Variants in PHLDB2 observed in about 807,000 individuals in gnomAD.
The protein encoded by PHLDB2 is pleckstrin homology like domain family B member 2.
Under a neutral mutation model 123.6 loss-of-function variants are expected in PHLDB2, and 71 were observed. The ratio of observed to expected loss-of-function variants is 0.57; its 90% CI spans 0.47 to 0.70. The LOEUF (loss-of-function observed/expected upper bound fraction) is 0.70, where lower values mean the gene tolerates loss of function less well. PHLDB2 is among the 30% of genes least tolerant of loss of function. The pLI is 0.00. For missense variants in PHLDB2, 1,446 were observed against 1,519.5 expected (o/e 0.95, Z 0.80); for synonymous variants, 547 against 541.6 (o/e 1.01, Z -0.14).
chr3:111,765,440 A>G (rs1166250404), intron 1 of PHLDB2, among the ~76,000 whole-genome samples: 1 of 152,200 alleles, frequency 6.6e-6, no homozygotes, highest in African/African-American at 2.4e-5. Flanking sequence ...GCCATCCACA[A>G]AATTATCTTG....
chr3:111,859,082 T>C (rs1009775458), upstream of PHLDB2: 12 of 778,440 alleles, frequency 1.5e-5, no homozygotes, highest in African/African-American at 2.2e-4. Context: ...TCCAAGGATT[T>C]TGCAAACCTG....
intron 1 of PHLDB2, among the ~76,000 whole-genome samples, chr3:111,772,054 CT>C (rs1170157187): frequency 1.5e-5 from 1 of 67,278 alleles, no homozygotes; most frequent in Non-Finnish European, 3.5e-5. Flanking sequence ...TATAAAATAC[CT>C]TCTGCTCCTC....
intron 12 of PHLDB2, chr3:111,957,917 T>A (rs2071154925): frequency 6.6e-6 from 1 of 152,242 alleles, no homozygotes; most frequent in African/African-American, 2.4e-5. Context: ...GGAAAAAGAA[T>A]TGTTTGATAG....
intron 2 of PHLDB2, among the ~76,000 whole-genome samples, chr3:111,852,748 TAAA>T (rs2064313727): frequency 1.1e-5 from 1 of 93,150 alleles, no homozygotes; most frequent in African/African-American, 4.1e-5. Context: ...TAGGTTAATC[TAAA>T]AGACACACAC....
chr3:111,961,324 C>A (rs180953454), intron 12 of PHLDB2, among the ~76,000 whole-genome samples: 1 of 151,872 alleles, frequency 6.6e-6, no homozygotes, highest in Non-Finnish European at 1.5e-5. Context: ...AGCATGACTC[C>A]GTCTCAAAAA....
chr3:111,932,288 C>G lies in PHLDB2; in HGVS notation c.2021C>G (p.Ala674Gly). The change falls in exon 6 of 18, where the codon GCT becomes GGT. Residue 674 changes from alanine (A) to glycine (G), a missense_variant. This residue lies in a region of PHLDB2 where 832 missense variants were observed against 831.9 expected (regional missense o/e 1.00). Coordinates refer to ENST00000431670, the MANE Select transcript of PHLDB2 (RefSeq NM_001134438.2). The part of the protein sequence containing the change: ...EKTKEKVKLD[A>G]EREKLERLQE... Reference sequence around the variant, plus strand: ...CTTCAGGAGAAGGTAAAGCTTGATGCTGAAAGGGAAAAACTAGAGAGGCTT... The same window carrying G: ...CTTCAGGAGAAGGTAAAGCTTGATGGTGAAAGGGAAAAACTAGAGAGGCTT... The G allele has an allele frequency of 1.3e-6, 2 of 1,551,198 alleles. No individual in the cohort carries two copies. The highest frequency in any genetic ancestry group is 1.7e-6 in the Non-Finnish European group (2 of 1,146,646).
intron 8 of PHLDB2, among the ~76,000 whole-genome samples, chr3:111,940,890 T>C (rs997849573): frequency 6.6e-6 from 1 of 152,208 alleles, no homozygotes; most frequent in Non-Finnish European, 1.5e-5. Context: ...ATCTTAACGA[T>C]GGAAAGTCTG....
chr3:111,837,451 A>G (rs73226349), intron 1 of PHLDB2, among the ~76,000 whole-genome samples: 15,456 of 152,222 alleles, frequency 0.1, 1,027 homozygotes, highest in South Asian at 0.17. Context: ...TGGGGTGCAT[A>G]GTAATTTCTG....
At chr3:111,930,471 G>A (rs985016026) in intron 5 of PHLDB2, among the ~76,000 whole-genome samples, 3 of 152,090 alleles carry the variant, frequency 2.0e-5, no homozygotes, top group African/African-American at 7.2e-5. Flanking sequence ...AAACTCTGGT[G>A]ATGCAGTACC....
intron 1 of PHLDB2, among the ~76,000 whole-genome samples, chr3:111,804,308 T>G (rs2061489143): frequency 6.6e-6 from 1 of 152,224 alleles, no homozygotes; most frequent in Admixed American, 6.5e-5. Flanking sequence ...TTTTAAAGCC[T>G]GTGAAAGAAG....
chr3:111,890,154 C>G (rs1292172597), intron 2 of PHLDB2, among the ~76,000 whole-genome samples: 1 of 152,222 alleles, frequency 6.6e-6, no homozygotes, highest in Non-Finnish European at 1.5e-5. Context: ...CCGATTCTAC[C>G]TGTCAACTCA....
At chr3:111,837,524 T>C (rs1008386498) in intron 1 of PHLDB2, among the ~76,000 whole-genome samples, 3 of 152,168 alleles carry the variant, frequency 2.0e-5, no homozygotes, top group African/African-American at 7.2e-5. Context: ...TTACACAAAA[T>C]TAAGTAGATG....
chr3:111,781,527 C>T lies in PHLDB2; in HGVS notation c.-49+48824C>T, dbSNP rs547863449. On this transcript the variant is annotated intron_variant, in intron 1 of 17. Transcript: ENST00000393923. ...CTTTTTATCAGCATCTCCCCAATAACAATGACTTCATCACAATAGCCTTAT... is the reference window on the plus strand; with the variant it reads ...CTTTTTATCAGCATCTCCCCAATAATAATGACTTCATCACAATAGCCTTAT... Among the ~76,000 whole-genome samples the T allele has an allele frequency of 7.9e-4, 121 of 152,228 alleles. 1 individual carries two copies. The highest frequency in any genetic ancestry group is 2.8e-3 in the African/African-American group (115 of 41,560).
chr3:111,961,846 T>A (rs1243040308), intron 12 of PHLDB2: 2 of 438,644 alleles, frequency 4.6e-6, no homozygotes, highest in Non-Finnish European at 8.0e-6. Context: ...TGTTGCTGGT[T>A]GTGCTGAGAT....
chr3:111,756,745 G>A (rs987211598), intron 1 of PHLDB2, among the ~76,000 whole-genome samples: 14 of 152,254 alleles, frequency 9.2e-5, no homozygotes, highest in African/African-American at 3.4e-4. Flanking sequence ...TCCTAGCCTC[G>A]ATGGTCTTTA....
intron 1 of PHLDB2, among the ~76,000 whole-genome samples, chr3:111,757,386 C>G (rs542478003): frequency 6.6e-6 from 1 of 152,250 alleles, no homozygotes; most frequent in South Asian, 2.1e-4. Context: ...CTTCTCGCTT[C>G]ATTTCATTCA....
intron 1 of PHLDB2, among the ~76,000 whole-genome samples, chr3:111,836,107 A>G (rs1219864217): frequency 2.0e-5 from 3 of 152,170 alleles, no homozygotes; most frequent in Non-Finnish European, 4.4e-5. Context: ...AAGATAATCC[A>G]ACAACCAAAT....
At chr3:111,789,332 G>T (rs1016547175) in intron 1 of PHLDB2, among the ~76,000 whole-genome samples, 1 of 152,150 alleles carries the variant, frequency 6.6e-6, no homozygotes, top group African/African-American at 2.4e-5. Flanking sequence ...TGGGAACTAC[G>T]TAGTCATTTG....
At chr3:111,798,636 C>CCACT (rs2061257471) in intron 1 of PHLDB2, among the ~76,000 whole-genome samples, 1 of 150,284 alleles carries the variant, frequency 6.7e-6, no homozygotes, top group African/African-American at 2.5e-5. Flanking sequence ...TATGATCATG[C>CCACT]CACTGTCCTC....
Sources: gnomAD v4.1 joint callset for allele counts (sites outside exome capture counted in the v4.1 genomes callset) on GRCh38, gnomAD v4.1.1 for gene constraint, gnomAD v4.1.1 regional missense constraint, MANE v1.5 for transcripts, NCBI Gene and HGNC (gene_info 2026-07-23, HGNC 2026-07-21) for gene names.